The following GSTA2 variants were observed in gnomAD, a reference collection of about 807,000 sequenced individuals.
The protein encoded by GSTA2 is glutathione S-transferase A2.
Under a neutral mutation model 22.4 loss-of-function variants are expected in GSTA2, and 27 were observed. The observed-to-expected ratio is 1.21, with a 90% CI of 0.89 to 1.67. The LOEUF is 1.67. Among genes scored for constraint, GSTA2 ranks in the 40% most tolerant of loss-of-function variants. The pLI is 0.00. For missense variants in GSTA2, 302 were observed against 260.2 expected, an observed-to-expected ratio of 1.16 and a Z score of -1.11; for synonymous variants, 121 against 86.8, an observed-to-expected ratio of 1.39 and a Z score of -2.19.
intron 6 of GSTA2, 79 bp downstream of exon 6, chr6:52,751,498 C>A: frequency 6.2e-7 from 1 of 1,607,032 alleles, no homozygotes; most frequent in Non-Finnish European, 8.5e-7. Flanking sequence ...TCAAAACATG[C>A]TCAGTCCCAG....
At chr6:52,754,527 G>C (rs1762804126) in intron 4 of GSTA2, among the ~76,000 whole-genome samples, 2 of 152,226 alleles carry the variant, frequency 1.3e-5, no homozygotes, top group South Asian at 4.1e-4. Context: ...GAATTACTGG[G>C]ACCTTAGACT....
At chr6:52,761,041 T>C (rs2127291091) in intron 1 of GSTA2, among the ~76,000 whole-genome samples, 1 of 152,280 alleles carries the variant, frequency 6.6e-6, no homozygotes, top group East Asian at 1.9e-4. Context: ...AGATAAACCA[T>C]GACTCCTTCC....
At position 52,754,862 on chromosome 6, in the gene GSTA2, T is replaced by G. The variant is rs1404227687; in HGVS notation, c.272+81A>C. ...CAGCCTGCTGCTGGTCTTGATACCC[T>G]GCCATGGTCCCACCCACTCAAGGAA... is the stretch of plus-strand genomic sequence containing the variant. On this transcript the variant is annotated intron_variant, in intron 4 of 6. Transcript: ENST00000493422. The G allele has an allele frequency of 1.9e-6, 3 of 1,587,552 alleles. No homozygotes were observed. The African/African-American group carries it at 4.1e-5, about 21-fold the overall frequency.
At chr6:52,756,198 A>T in intron 3 of GSTA2, 60 bp downstream of exon 3, 1 of 1,239,976 alleles carries the variant, frequency 8.1e-7, no homozygotes, top group East Asian at 2.3e-5. Context: ...GGCTGCGCAA[A>T]CCTCCCCGTG....
At chr6:52,761,189 G>A (rs1762944470) in intron 1 of GSTA2, among the ~76,000 whole-genome samples, 1 of 152,172 alleles carries the variant, frequency 6.6e-6, no homozygotes, top group Non-Finnish European at 1.5e-5. Flanking sequence ...AATCATAGTA[G>A]GAACACAGGG....
intron 1 of GSTA2, among the ~76,000 whole-genome samples, chr6:52,759,304 G>A (rs557970030): frequency 6.6e-6 from 1 of 152,260 alleles, no homozygotes; most frequent in African/African-American, 2.4e-5. Flanking sequence ...CTGTTTGGGT[G>A]GTGGAATGTA....
intron 4 of GSTA2, among the ~76,000 whole-genome samples, chr6:52,754,537 T>C (rs1461548969): frequency 1.3e-5 from 2 of 152,192 alleles, no homozygotes; most frequent in African/African-American, 2.4e-5. Flanking sequence ...GACCTTAGAC[T>C]TGGTTTCTTT....
chr6:52,754,122 G>A (rs1458031347), intron 4 of GSTA2, among the ~76,000 whole-genome samples: 1 of 152,122 alleles, frequency 6.6e-6, no homozygotes, highest in Non-Finnish European at 1.5e-5. Context: ...TCCATTTATT[G>A]ATTGATGGAT....
intron 3 of GSTA2, 114 bp from the exon 4 acceptor site, chr6:52,755,189 G>T: frequency 7.3e-7 from 1 of 1,364,568 alleles, no homozygotes; most frequent in Non-Finnish European, 1.0e-6. Context: ...AGAAATTACT[G>T]CCTGGTAAGA....
intron 1 of GSTA2, among the ~76,000 whole-genome samples, chr6:52,760,804 GA>G (rs894820867): frequency 6.6e-6 from 1 of 152,128 alleles, no homozygotes; most frequent in Admixed American, 6.5e-5. Flanking sequence ...TTGCTTGGAA[GA>G]AAAAACTAAT....
At chr6:52,762,790 AC>A (rs1219170574) in intron 1 of GSTA2, among the ~76,000 whole-genome samples, 3 of 152,080 alleles carry the variant, frequency 2.0e-5, no homozygotes, top group Admixed American at 2.0e-4. Context: ...GGGGCAGGCC[AC>A]CCCTTCAGGG....
chr6:52,751,703 T>C lies in GSTA2; in HGVS notation c.420A>G (p.Leu140=), dbSNP rs1250940740. 6.2e-7 allele frequency: 1 copy of C among 1,614,010 alleles called. No homozygotes were observed. Residue 140 remains leucine (L), a synonymous_variant, in exon 6 of 7, where the codon TTA becomes TTG. Coordinates refer to ENST00000493422, the MANE Select transcript of GSTA2 (RefSeq NM_000846.5). ...CAAGGTAGTCTTGTCCGTGGCTCTT[T>C]AAGACCTGGAGAATGGGAGGAATCA... The part of the protein sequence containing the change: ...NRYFPAFEKV[L]KSHGQDYLVG...
intron 4 of GSTA2, among the ~76,000 whole-genome samples, chr6:52,754,527 G>A (rs1762804126): frequency 6.6e-6 from 1 of 152,108 alleles, no homozygotes; most frequent in Non-Finnish European, 1.5e-5. Flanking sequence ...GAATTACTGG[G>A]ACCTTAGACT....
intron 1 of GSTA2, among the ~76,000 whole-genome samples, chr6:52,762,959 A>G (rs575349289): frequency 7.9e-5 from 12 of 152,236 alleles, no homozygotes; most frequent in Non-Finnish European, 1.6e-4. Flanking sequence ...CGAGCTAATT[A>G]GTGGCAGAGG....
At chr6:52,763,217 T>C (rs973008847) in intron 1 of GSTA2, among the ~76,000 whole-genome samples, 7 of 152,208 alleles carry the variant, frequency 4.6e-5, no homozygotes, top group Non-Finnish European at 7.3e-5. Context: ...CTTTAAATGC[T>C]GAGGCCCTGG....
chr6:52,756,822 C>T (rs1159364688), intron 2 of GSTA2, among the ~76,000 whole-genome samples: 1 of 152,276 alleles, frequency 6.6e-6, no homozygotes, highest in Non-Finnish European at 1.5e-5. Flanking sequence ...GCACAGCTTT[C>T]ACACTTGCAA....
chr6:52,755,872 A>T (rs2127287678), intron 3 of GSTA2, among the ~76,000 whole-genome samples: 1 of 151,886 alleles, frequency 6.6e-6, no homozygotes, highest in East Asian at 1.9e-4. Flanking sequence ...GAAAGAAAAA[A>T]CTCAAGACAG....
rs200736315 is a variant in GSTA2, at chr6:52,751,603, G to C, written c.520C>G (p.Leu174Val). 2 of 1,614,096 alleles carry C rather than the reference G, an allele frequency of 1.2e-6. No homozygotes were observed. Among genetic ancestry groups the C allele is most frequent in the East Asian group, 4.5e-5 (2 of 44,862 alleles). Residue 174 changes from leucine (L) to valine (V), a missense_variant, in exon 6 of 7, where the codon CTT becomes GTT. Physicochemically the swap from Leu to Val is conservative, Grantham distance 32. Transcript: ENST00000493422. Reference protein sequence around the residue: ...LYYVEELDSSLISSFPLLKAL... With the variant: ...LYYVEELDSSVISSFPLLKAL... ...TTCAGCAGAGGGAAGCTGGAAATAA[G>C]GCTAGAGTCAAGCTCTTCCACGTAG...
At chr6:52,757,797 G>T in intron 2 of GSTA2, 64 bp downstream of exon 2, 2 of 1,347,452 alleles carry the variant, frequency 1.5e-6, no homozygotes, top group Non-Finnish European at 2.1e-6. Context: ...CATAGTTTCT[G>T]TGGGAAAAGT....
Sources: allele counts gnomAD v4.1 joint callset (sites outside exome capture counted in the v4.1 genomes callset), GRCh38; gene constraint gnomAD v4.1.1; transcripts MANE v1.5; gene names NCBI Gene and HGNC (gene_info 2026-07-23, HGNC 2026-07-21).